The following FMN1 variants were observed in gnomAD, a reference collection of about 807,000 sequenced individuals.
The protein encoded by FMN1 is formin-1.
FMN1 carries 110 observed loss-of-function variants against 132.4 expected under a neutral mutation model. The ratio of observed to expected loss-of-function variants is 0.83; its 90% CI spans 0.71 to 0.97. FMN1 has a LOEUF of 0.97. Ranked by LOEUF, FMN1 falls within the 50% of genes least tolerant of loss-of-function variation. The probability of loss-of-function intolerance (pLI) is 0.00; values close to 1 mark genes in which losing one functional copy is unlikely to be tolerated. For synonymous variants in FMN1, 722 were observed against 651.7 expected (o/e 1.11, Z -1.64); for missense variants, 1,792 against 1,705.3 (o/e 1.05, Z -0.90).
intron 3 of FMN1, among the ~76,000 whole-genome samples, chr15:33,166,113 C>A (rs1485461335): frequency 6.6e-6 from 1 of 152,150 alleles, no homozygotes; most frequent in Non-Finnish European, 1.5e-5. Flanking sequence ...CCATTTGAGC[C>A]AAACCACCAT....
At chr15:32,983,853 T>G (rs2032873828) in intron 7 of FMN1, among the ~76,000 whole-genome samples, 3 of 152,308 alleles carry the variant, frequency 2.0e-5, no homozygotes, top group East Asian at 3.9e-4. Context: ...TCTGTCGAGG[T>G]GAATTCAGCG....
At chr15:32,917,625 G>C (rs1236187995) in intron 10 of FMN1, among the ~76,000 whole-genome samples, 1 of 152,152 alleles carries the variant, frequency 6.6e-6, no homozygotes, top group Non-Finnish European at 1.5e-5. Flanking sequence ...AAGGCACAAA[G>C]TCACACTGCT....
intron 9 of FMN1, among the ~76,000 whole-genome samples, chr15:32,942,026 G>A (rs2061411148): frequency 6.6e-6 from 1 of 152,128 alleles, no homozygotes; most frequent in African/African-American, 2.4e-5. Flanking sequence ...TTGTGCAGGG[G>A]CAAATTCACA....
At chr15:33,059,083 T>G (rs1263097210) in intron 6 of FMN1, among the ~76,000 whole-genome samples, 1 of 152,220 alleles carries the variant, frequency 6.6e-6, no homozygotes, top group Non-Finnish European at 1.5e-5. Flanking sequence ...CATCATTTTA[T>G]TCTCTACTTC....
At chr15:32,981,706 C>G (rs1005627466) in intron 7 of FMN1, among the ~76,000 whole-genome samples, 1 of 151,800 alleles carries the variant, frequency 6.6e-6, no homozygotes, top group African/African-American at 2.4e-5. Context: ...CATATGCCAT[C>G]AAAAACATGA....
intron 17 of FMN1, among the ~76,000 whole-genome samples, chr15:32,809,985 T>A (rs1325498483): frequency 4.6e-5 from 7 of 152,086 alleles, no homozygotes; most frequent in African/African-American, 1.7e-4. Flanking sequence ...CGTGATGCAA[T>A]CTCAGCTCAC....
chr15:32,982,287 G>A (rs2032739989), intron 7 of FMN1, among the ~76,000 whole-genome samples: 1 of 152,132 alleles, frequency 6.6e-6, no homozygotes, highest in African/African-American at 2.4e-5. Context: ...TGAGAATGTG[G>A]AACAACTAGA....
intron 3 of FMN1, among the ~76,000 whole-genome samples, chr15:33,158,246 C>A (rs1005680813): frequency 6.6e-6 from 1 of 151,958 alleles, no homozygotes; most frequent in Non-Finnish European, 1.5e-5. Context: ...ACATGTAGTG[C>A]CTGTTTACAG....
intron 4 of FMN1, among the ~76,000 whole-genome samples, chr15:33,127,216 AG>A (rs1963174484): frequency 6.6e-6 from 1 of 152,210 alleles, no homozygotes; most frequent in African/African-American, 2.4e-5. Flanking sequence ...TATAATCTCA[AG>A]AAAAATCAAC....
intron 17 of FMN1, among the ~76,000 whole-genome samples, chr15:32,822,593 A>G (rs564462080): frequency 3.9e-5 from 6 of 152,214 alleles, no homozygotes; most frequent in Admixed American, 1.3e-4. Context: ...TGATTTCTCA[A>G]GGTTCATTAT....
intron 6 of FMN1, among the ~76,000 whole-genome samples, chr15:33,039,088 C>G (rs990682002): frequency 6.6e-6 from 1 of 151,980 alleles, no homozygotes; most frequent in East Asian, 1.9e-4. Flanking sequence ...CAAACACACA[C>G]GATGTTAAAC....
chr15:33,099,030 G>C (rs919525314), intron 4 of FMN1, among the ~76,000 whole-genome samples: 4 of 152,202 alleles, frequency 2.6e-5, no homozygotes, highest in Admixed American at 1.3e-4. Flanking sequence ...ACTTTGGGAA[G>C]CTGAGGCTGG....
intron 7 of FMN1, among the ~76,000 whole-genome samples, chr15:32,986,925 C>A (rs1168525941): frequency 6.6e-6 from 1 of 152,114 alleles, no homozygotes; most frequent in Non-Finnish European, 1.5e-5. Context: ...GAATTTAAAT[C>A]TGACTTATTT....
chr15:32,823,339 T>C (rs1182683003), intron 17 of FMN1, among the ~76,000 whole-genome samples: 1 of 151,930 alleles, frequency 6.6e-6, no homozygotes, highest in Admixed American at 6.6e-5. Context: ...TTTCTTTTTG[T>C]ATTTTTAGTA....
In FMN1 at chr15:33,154,682, G is replaced by C; in HGVS notation, c.233C>G (p.Thr78Ser). ...CTCAGTTAGAATGTCTTTCGTGGGA[G>C]TCTGCTTGAAAAATATGTCGCCTGG... is the stretch of plus-strand genomic sequence containing the variant. ...EHPGDIFFKQ[T>S]PTKDILTELY... is the part of the protein sequence containing the mutation. Residue 78 changes from threonine to serine, a missense_variant, in exon 4 of 21, where the codon ACT becomes AGT. Around this residue, in one of 3 missense-constraint regions of FMN1, gnomAD observed 638 missense variants for 645.2 expected, o/e 0.99. Coordinates refer to ENST00000616417, the MANE Select transcript of FMN1 (RefSeq NM_001277313.2). The C allele has an allele frequency of 1.3e-6, 2 of 1,536,082 alleles. No individual in the cohort carries two copies. Among genetic ancestry groups the C allele is most frequent in the South Asian group, 1.2e-5 (1 of 84,058 alleles).
At chr15:32,921,311 C>T (rs1271340515) in intron 10 of FMN1, among the ~76,000 whole-genome samples, 1 of 152,116 alleles carries the variant, frequency 6.6e-6, no homozygotes, top group Non-Finnish European at 1.5e-5. Flanking sequence ...CATGCAATGA[C>T]AAAGAGTAAG....
chr15:32,837,109 C>G (rs1041726907), intron 17 of FMN1: 8 of 226,744 alleles, frequency 3.5e-5, no homozygotes, highest in Admixed American at 8.3e-5. Context: ...TTGATTAGCA[C>G]TGAGCTGGAA....
intron 7 of FMN1, among the ~76,000 whole-genome samples, chr15:32,993,687 A>G (rs1198080256): frequency 6.6e-6 from 1 of 152,226 alleles, no homozygotes; most frequent in Non-Finnish European, 1.5e-5. Flanking sequence ...ACACATTTAC[A>G]GACAAGCAAC....
intron 6 of FMN1, among the ~76,000 whole-genome samples, chr15:33,048,463 T>C (rs2036792799): frequency 6.6e-6 from 1 of 151,646 alleles, no homozygotes; most frequent in South Asian, 2.1e-4. Context: ...TGTGAAAGGA[T>C]TCATGAAAGG....
Sources: gnomAD v4.1 joint callset for allele counts (sites outside exome capture counted in the v4.1 genomes callset) on GRCh38, gnomAD v4.1.1 for gene constraint, gnomAD v4.1.1 regional missense constraint, MANE v1.5 for transcripts, NCBI Gene and HGNC (gene_info 2026-07-23, HGNC 2026-07-21) for gene names.